The following ANKFY1 variants were observed in gnomAD, a reference collection of about 807,000 sequenced individuals.
ANKFY1 encodes ankyrin repeat and FYVE domain-containing protein 1.
A neutral mutation model predicts 128.3 loss-of-function variants in ANKFY1; 47 were observed. The ratio of observed to expected loss-of-function variants is 0.37; its 90% confidence interval spans 0.29 to 0.47. ANKFY1 has a LOEUF of 0.47. Ranked by LOEUF, ANKFY1 falls within the 20% of genes least tolerant of loss-of-function variation. The pLI, the probability that ANKFY1 is intolerant of heterozygous loss-of-function variation, is 1.00. For missense variants in ANKFY1, 1,222 were observed against 1,510.6 expected (o/e 0.81, Z 3.17); for synonymous variants, 553 against 601.6 (o/e 0.92, Z 1.18).
intron 3 of ANKFY1, among the ~76,000 whole-genome samples, chr17:4,231,738 A>G (rs2060515120): frequency 6.6e-6 from 1 of 151,900 alleles, no homozygotes; most frequent in Admixed American, 6.6e-5. Context: ...TGAGTCCAGG[A>G]GTTCAAGACC....
In ANKFY1 at chr17:4,209,682, C is replaced by G. The variant is rs550353961; in HGVS notation, c.582+142G>C. 9.0e-5 allele frequency: 86 copies of G among 952,568 alleles called. 2 individuals carry two copies. The Middle Eastern group carries it at 2.5e-3, about 28-fold the overall frequency. 59.0% of individuals were successfully genotyped at this position (952,568 alleles called of 1,614,324 possible). On this transcript the variant is annotated intron_variant, in intron 5 of 24. Transcript: ENST00000341657. ...AGTTGAAAAGAGTCTCATAGATCAT[C>G]TAATCAAACTATTTATTCTTCAATT... is the stretch of plus-strand genomic sequence containing the variant.
chr17:4,185,480 A>G (rs2059594830), intron 11 of ANKFY1, among the ~76,000 whole-genome samples: 1 of 151,430 alleles, frequency 6.6e-6, no homozygotes, highest in African/African-American at 2.4e-5. Flanking sequence ...TGGGATTACA[A>G]GCGTGAGCCA....
At chr17:4,263,141 G>C (rs960109743) in intron 1 of ANKFY1, among the ~76,000 whole-genome samples, 1 of 152,166 alleles carries the variant, frequency 6.6e-6, no homozygotes, top group Non-Finnish European at 1.5e-5. Context: ...TTCCCCCTAC[G>C]TGTACAATAA....
chr17:4,235,356 G>GA lies in ANKFY1; in HGVS notation c.322+415dup, dbSNP rs1399852321. Among the ~76,000 whole-genome samples, 87 of 80,504 alleles carry GA rather than the reference G, an allele frequency of 1.1e-3. 2 individuals are homozygous for GA. The South Asian group carries it at 0.037, about 35-fold the overall frequency. 52.8% of individuals were successfully genotyped at this position (80,504 alleles called of 152,430 possible). On this transcript the variant is annotated intron_variant, in intron 3 of 24. Coordinates refer to ENST00000341657, the MANE Select transcript of ANKFY1 (RefSeq NM_001330063.2). ...ACTCTGTCTCAAAAAAAAAAAAAAA[G>GA]AAAAAAAAAGTCCTTTGGCATCTAG...
At chr17:4,213,603 G>C (rs1274302251) in intron 4 of ANKFY1, among the ~76,000 whole-genome samples, 1 of 117,210 alleles carries the variant, frequency 8.5e-6, no homozygotes, top group Non-Finnish European at 1.8e-5. Flanking sequence ...GTCTTACTTT[G>C]TCGCCCAGGC....
intron 8 of ANKFY1, among the ~76,000 whole-genome samples, chr17:4,196,144 T>TACACAC (rs35005172): frequency 4.5e-4 from 38 of 83,954 alleles, no homozygotes; most frequent in African/African-American, 7.7e-4. Context: ...CTGCATCTAC[T>TACACAC]ACACACACAC....
Position 4,178,956 on chromosome 17 carries a change from T to C in ANKFY1, c.2499A>G (p.Arg833=). Residue 833 remains arginine, a synonymous_variant, in exon 18 of 25, where the codon CGA becomes CGG. Transcript: ENST00000341657. This position sits in a 1 kb window ranked among gnomAD's most constrained non-coding sequence, Gnocchi z 4.1. ...CAAACGGGGTCAGCCCTTGTCTGTC[T>C]CGTACATTCAAATGGATATCGGGGT... ...VSHPDIHLNV[R]DRQGLTPFAC... 1 of 1,614,190 alleles carries C rather than the reference T, an allele frequency of 6.2e-7. No homozygotes were observed. The highest frequency in any genetic ancestry group is 8.5e-7 in the Non-Finnish European group (1 of 1,180,042).
chr17:4,262,408 C>A (rs750561675), intron 1 of ANKFY1, among the ~76,000 whole-genome samples: 2 of 152,174 alleles, frequency 1.3e-5, no homozygotes, highest in Non-Finnish European at 2.9e-5. Flanking sequence ...ATTACAGACA[C>A]GTGCCACCAC....
At chr17:4,171,905 G>A (rs2143000210) in intron 22 of ANKFY1, among the ~76,000 whole-genome samples, 2 of 152,324 alleles carry the variant, frequency 1.3e-5, no homozygotes, top group Middle Eastern at 6.8e-3. Context: ...AGAGGGCTCT[G>A]GGCTGGGATG....
chr17:4,219,279 G>A (rs1454187414), intron 3 of ANKFY1, among the ~76,000 whole-genome samples: 2 of 152,174 alleles, frequency 1.3e-5, no homozygotes, highest in Non-Finnish European at 2.9e-5. Context: ...AAGAGTGATG[G>A]TCAGAGGAAT....
chr17:4,250,603 A>T (rs1399973718), intron 1 of ANKFY1, among the ~76,000 whole-genome samples: 1 of 152,212 alleles, frequency 6.6e-6, no homozygotes, highest in Non-Finnish European at 1.5e-5. Flanking sequence ...AAATTGGTCT[A>T]TAGATCCAAT....
intron 23 of ANKFY1, 89 bp downstream of exon 23, chr17:4,170,626 A>T: frequency 6.6e-7 from 1 of 1,510,340 alleles, no homozygotes; most frequent in Non-Finnish European, 8.9e-7. Context: ...CTAAGGCATC[A>T]TGAGATTGAA....
At chr17:4,187,916 C>T (rs537269967) in intron 11 of ANKFY1, 1 of 152,408 alleles carries the variant, frequency 6.6e-6, no homozygotes, top group South Asian at 2.1e-4. Context: ...GATCTGCCCA[C>T]CTCAGCCTCC....
Position 4,169,364 on chromosome 17 carries a change from G to A in ANKFY1, c.3287-76C>T. On this transcript the variant is annotated intron_variant, in intron 23 of 24. Transcript: ENST00000341657. This position sits in a 1 kb window ranked among gnomAD's most constrained non-coding sequence, Gnocchi z 5.0. Reference sequence around the variant, plus strand: ...CAAGCCCCAGGGCTTGGAGGCAGCAGGAACACAGACCCGTAAGTGAGGCAG... The same window carrying A: ...CAAGCCCCAGGGCTTGGAGGCAGCAAGAACACAGACCCGTAAGTGAGGCAG... 8.8e-7 allele frequency: 1 copy of A among 1,140,454 alleles called. No homozygotes were observed. Among genetic ancestry groups the A allele is most frequent in the Non-Finnish European group, 1.3e-6 (1 of 780,798 alleles). The allele number at this position is 1,140,454 out of a possible 1,614,324, so 70.6% of individuals were successfully genotyped here. A position where few individuals can be genotyped will look rare whatever the true frequency, so the allele number is the denominator to read the frequency against.
At chr17:4,208,887 C>T (rs889795249) in intron 5 of ANKFY1, among the ~76,000 whole-genome samples, 1 of 152,032 alleles carries the variant, frequency 6.6e-6, no homozygotes, top group African/African-American at 2.4e-5. Context: ...GGAGAAACCC[C>T]CGTCTCTACT....
intron 7 of ANKFY1, among the ~76,000 whole-genome samples, chr17:4,200,806 G>A (rs564048746): frequency 3.3e-5 from 5 of 152,236 alleles, no homozygotes; most frequent in African/African-American, 7.2e-5. Flanking sequence ...ATCACAACTC[G>A]AGACGATGAT....
intron 7 of ANKFY1, among the ~76,000 whole-genome samples, chr17:4,204,763 T>C (rs943593037): frequency 2.0e-5 from 3 of 152,020 alleles, no homozygotes; most frequent in Non-Finnish European, 4.4e-5. Flanking sequence ...CACGAAACAG[T>C]GTGGGAAAGA....
chr17:4,225,822 C>T (rs1400095653), intron 3 of ANKFY1, among the ~76,000 whole-genome samples: 2 of 152,072 alleles, frequency 1.3e-5, no homozygotes, highest in Non-Finnish European at 2.9e-5. Flanking sequence ...ACTGCAGTGG[C>T]GTGATCTCAG....
intron 10 of ANKFY1, among the ~76,000 whole-genome samples, chr17:4,190,590 G>C (rs2059699958): frequency 6.6e-6 from 1 of 152,106 alleles, no homozygotes; most frequent in Admixed American, 6.5e-5. Context: ...AAATACTTCA[G>C]TTTTATTCCT....
Sources: gnomAD v4.1 joint callset for allele counts (sites outside exome capture counted in the v4.1 genomes callset) on GRCh38, gnomAD v4.1.1 for gene constraint, Gnocchi (gnomAD v3.1) non-coding constraint, MANE v1.5 for transcripts, NCBI Gene and HGNC (gene_info 2026-07-23, HGNC 2026-07-21) for gene names.